Variants in ZBBX observed in about 807,000 individuals in gnomAD.
ZBBX encodes the protein zinc finger B-box domain-containing protein 1.
A neutral mutation model predicts 108.5 loss-of-function variants in ZBBX; 101 were observed. The observed-to-expected ratio is 0.93, with a 90% CI of 0.79 to 1.10. The LOEUF is 1.10. Ranked by LOEUF, ZBBX falls within the 50% of genes least tolerant of loss-of-function variation. ZBBX has a pLI of 0.00. For synonymous variants in ZBBX, 356 were observed against 323.4 expected, an observed-to-expected ratio of 1.10 and a Z score of -1.08; for missense variants, 1,009 against 941.4, an observed-to-expected ratio of 1.07 and a Z score of -0.94.
intron 15 of ZBBX, 71 bp from the exon 16 acceptor site, chr3:167,314,187 C>A: frequency 7.4e-7 from 1 of 1,344,544 alleles, no homozygotes; most frequent in Non-Finnish European, 1.0e-6. Context: ...TTTAAAAGTC[C>A]CAAGTCATTA....
At chr3:167,275,681 A>T (rs1727426876) in intron 20 of ZBBX, among the ~76,000 whole-genome samples, 1 of 152,178 alleles carries the variant, frequency 6.6e-6, no homozygotes, top group African/African-American at 2.4e-5. Flanking sequence ...TCAAACTGCA[A>T]GGTGGCAGCG....
the ZBBX span, among the ~76,000 whole-genome samples, chr3:167,227,454 A>G: frequency 6.6e-6 from 1 of 151,832 alleles, no homozygotes; most frequent in Non-Finnish European, 1.5e-5. Context: ...TGGTAGGCTG[A>G]TTCTTGCATA....
Position 167,240,066 on chromosome 3 carries a change from A to G in ZBBX, c.*727T>C, listed in dbSNP as rs1021481749. Among the ~76,000 whole-genome samples, 1 of 152,122 alleles carries G rather than the reference A, an allele frequency of 6.6e-6. No individual in the cohort carries two copies. The highest frequency in any genetic ancestry group is 1.5e-5 in the Non-Finnish European group (1 of 68,030). On this transcript the variant is annotated 3_prime_UTR_variant, in exon 22 of 22. Coordinates refer to ENST00000675490, the MANE Select transcript of ZBBX (RefSeq NM_001199201.2). ...TAGGGGTAACTGCCCCCATGATTCAATTACTTCCCACCAGGTCCCTCCCAG... is the reference window on the plus strand; with the variant it reads ...TAGGGGTAACTGCCCCCATGATTCAGTTACTTCCCACCAGGTCCCTCCCAG...
At chr3:167,313,416 T>C (rs1224953819) in intron 16 of ZBBX, among the ~76,000 whole-genome samples, 3 of 151,968 alleles carry the variant, frequency 2.0e-5, no homozygotes, top group African/African-American at 7.2e-5. Context: ...GCTGGGATTA[T>C]AGGCACCTGC....
At position 167,360,875 on chromosome 3, in the gene ZBBX, T is replaced by C. The variant is rs1744396872; in HGVS notation, c.274-152A>G. 1.1e-5 allele frequency: 4 copies of C among 363,646 alleles called. No individual in the cohort carries two copies. In the East Asian group the frequency reaches 1.3e-4, roughly 12 times the overall value. The allele number at this position is 363,646 out of a possible 1,614,324, so 22.5% of individuals were successfully genotyped here. On this transcript the variant is annotated intron_variant, in intron 6 of 21. Coordinates refer to ENST00000675490, the MANE Select transcript of ZBBX (RefSeq NM_001199201.2). The stretch of plus-strand genomic sequence containing the variant: ...ATATAAAATTAATAGGAGATCATCA[T>C]TAAAGCATATATGTACCTTTTAATT...
At chr3:167,369,418 T>A (rs1745825859) in intron 4 of ZBBX, among the ~76,000 whole-genome samples, 2 of 152,012 alleles carry the variant, frequency 1.3e-5, no homozygotes, top group Non-Finnish European at 2.9e-5. Flanking sequence ...TAGCAAGCAA[T>A]TACCAAAAAG....
chr3:167,185,832 A>G, the ZBBX span, among the ~76,000 whole-genome samples: 1 of 152,126 alleles, frequency 6.6e-6, no homozygotes, highest in African/African-American at 2.4e-5. Context: ...CATTTTCCAT[A>G]TGTACATTAA....
At chr3:167,185,831 T>A in the ZBBX span, among the ~76,000 whole-genome samples, 2 of 152,148 alleles carry the variant, frequency 1.3e-5, no homozygotes, top group Non-Finnish European at 2.9e-5. Context: ...CCATTTTCCA[T>A]ATGTACATTA....
chr3:167,270,621 G>A (rs951680907), intron 20 of ZBBX, among the ~76,000 whole-genome samples: 1 of 152,164 alleles, frequency 6.6e-6, no homozygotes, highest in Non-Finnish European at 1.5e-5. Flanking sequence ...AGTCACTTGT[G>A]GATGGCCTCA....
At chr3:167,298,806 C>G (rs1732108154) in intron 17 of ZBBX, among the ~76,000 whole-genome samples, 1 of 151,950 alleles carries the variant, frequency 6.6e-6, no homozygotes, top group Non-Finnish European at 1.5e-5. Context: ...TGGCTTTGAA[C>G]TAGTGTCTTT....
intron 11 of ZBBX, among the ~76,000 whole-genome samples, chr3:167,323,680 A>G (rs1736869180): frequency 6.6e-6 from 1 of 152,152 alleles, no homozygotes. Context: ...AAGAATGTGC[A>G]TAAGATTCTC....
At chr3:167,313,799 T>C (rs1317649664) in intron 16 of ZBBX, among the ~76,000 whole-genome samples, 175 bp downstream of exon 16, 1 of 152,180 alleles carries the variant, frequency 6.6e-6, no homozygotes, top group Non-Finnish European at 1.5e-5. Context: ...CAAACACTGT[T>C]GTCCATTGAC....
intron 20 of ZBBX, among the ~76,000 whole-genome samples, chr3:167,249,225 C>T (rs1482676732): frequency 2.0e-5 from 3 of 151,968 alleles, no homozygotes; most frequent in Non-Finnish European, 4.4e-5. Context: ...TACCATCTGG[C>T]ATTTGGAACT....
the ZBBX span, among the ~76,000 whole-genome samples, chr3:167,179,152 G>T: frequency 1.3e-5 from 2 of 151,920 alleles, no homozygotes; most frequent in Non-Finnish European, 2.9e-5. Context: ...AGTGAGAAAA[G>T]GTGTCCACAC....
At chr3:167,363,369 G>A (rs1035769233) in intron 6 of ZBBX, among the ~76,000 whole-genome samples, 1 of 152,122 alleles carries the variant, frequency 6.6e-6, no homozygotes, top group Non-Finnish European at 1.5e-5. Context: ...CTGAGCAGAC[G>A]ATATTGTCTT....
intron 9 of ZBBX, among the ~76,000 whole-genome samples, chr3:167,345,543 C>A (rs538292282): frequency 6.6e-6 from 1 of 151,892 alleles, no homozygotes; most frequent in African/African-American, 2.4e-5. Context: ...ACTCTAAAAT[C>A]ATGTGACTTT....
intron 20 of ZBBX, among the ~76,000 whole-genome samples, chr3:167,249,247 G>A (rs114625483): frequency 0.014 from 2,132 of 152,288 alleles, 28 homozygotes; most frequent in South Asian, 0.026. Context: ...TTCTATAGAC[G>A]TGAGGACAGA....
chr3:167,368,431 C>A (rs556731962), intron 5 of ZBBX, 30 bp downstream of exon 5: 4 of 1,459,346 alleles, frequency 2.7e-6, no homozygotes, highest in Admixed American at 1.7e-5. Context: ...TTAGTTGATT[C>A]ATCTAAAATT....
At chr3:167,254,229 T>G (rs1353862051) in intron 20 of ZBBX, among the ~76,000 whole-genome samples, 1 of 152,150 alleles carries the variant, frequency 6.6e-6, no homozygotes, top group Non-Finnish European at 1.5e-5. Flanking sequence ...TTTAACTTCC[T>G]CTCACTGTTC....
Sources: allele counts gnomAD v4.1 joint callset (sites outside exome capture counted in the v4.1 genomes callset), GRCh38; gene constraint gnomAD v4.1.1; transcripts MANE v1.5; gene names NCBI Gene and HGNC (gene_info 2026-07-23, HGNC 2026-07-21).